SLC6A11: variants seen among roughly 807,000 people sequenced by gnomAD.
The protein encoded by SLC6A11 is solute carrier family 6 member 11, also known as sodium- and chloride-dependent GABA transporter 3.
Under a neutral mutation model 74.8 loss-of-function variants are expected in SLC6A11, and 25 were observed. The ratio of observed to expected loss-of-function variants is 0.33; its 90% CI spans 0.24 to 0.47. The LOEUF is 0.47. SLC6A11 is among the 20% of genes least tolerant of loss of function. The probability of loss-of-function intolerance (pLI) is 1.00; values close to 1 mark genes in which losing one functional copy is unlikely to be tolerated. For missense variants in SLC6A11, 574 were observed against 837.0 expected (o/e 0.69, Z 3.88); for synonymous variants, 330 against 330.2 (o/e 1.00, Z 0.01).
At chr3:10,844,399 A>G in intron 5 of SLC6A11, 53 bp downstream of exon 5, 1 of 1,610,042 alleles carries the variant, frequency 6.2e-7, no homozygotes, top group East Asian at 2.2e-5. Flanking sequence ...GCACGAGCTC[A>G]CAGATGACCT....
chr3:10,872,540 C>T (rs969372172), intron 5 of SLC6A11, among the ~76,000 whole-genome samples: 1 of 152,242 alleles, frequency 6.6e-6, no homozygotes, highest in Non-Finnish European at 1.5e-5. Context: ...CCCCTGATGA[C>T]ATGAGGCATG....
intron 4 of SLC6A11, among the ~76,000 whole-genome samples, chr3:10,843,346 T>C (rs1006946947): frequency 2.0e-5 from 3 of 152,122 alleles, no homozygotes; most frequent in African/African-American, 7.2e-5. Flanking sequence ...TGTTACTGCC[T>C]CTGCTTACCT....
rs138109295 is a variant in SLC6A11, at chr3:10,874,970, G to T, written c.766G>T (p.Val256Leu). 1.6e-4 allele frequency: 263 copies of T among 1,611,220 alleles called. No homozygotes were observed. The highest frequency in any genetic ancestry group is 2.2e-4 in the Non-Finnish European group (254 of 1,178,454). The part of the protein sequence containing the change: ...GTKSTGKVVY[V>L]TATFPYIMLL... ...CTCCTCTTGTGCACAGGTTGTATACGTGACTGCGACATTCCCCTACATCAT... is the reference window on the plus strand; with the variant it reads ...CTCCTCTTGTGCACAGGTTGTATACTTGACTGCGACATTCCCCTACATCAT... Residue 256 changes from valine (V) to leucine (L), a missense_variant, in exon 6 of 14, where the codon GTG (valine) becomes TTG (leucine). Physicochemically the swap from Val to Leu is conservative, Grantham distance 32. This residue lies in a region of SLC6A11 where 215 missense variants were observed against 357.9 expected (regional missense o/e 0.60). Coordinates refer to ENST00000254488, the MANE Select transcript of SLC6A11 (RefSeq NM_014229.3).
rs772733320 is a variant in SLC6A11, at chr3:10,935,217, G to A, written c.1746+18G>A. 2 of 1,612,788 alleles carry A rather than the reference G, an allele frequency of 1.2e-6. No individual in the cohort carries two copies. Among genetic ancestry groups the A allele is most frequent in the South Asian group, 2.2e-5 (2 of 90,976 alleles). On this transcript the variant is annotated intron_variant, in intron 13 of 13. Coordinates refer to ENST00000254488, the MANE Select transcript of SLC6A11 (RefSeq NM_014229.3). The stretch of plus-strand genomic sequence containing the variant: ...TGCCCGAGGTGAGACCGCCCCAGGA[G>A]GGCTGGTGCGTTTGGGCAGGGTTCG...
chr3:10,824,094 G>A (rs1259810754), intron 4 of SLC6A11: 1 of 152,564 alleles, frequency 6.6e-6, no homozygotes, highest in East Asian at 1.9e-4. Flanking sequence ...GGGCTGCTAT[G>A]TGTGGTTGTG....
At chr3:10,823,585 A>T (rs950679801) in intron 4 of SLC6A11, 193 bp downstream of exon 4, 1 of 553,624 alleles carries the variant, frequency 1.8e-6, no homozygotes, top group Non-Finnish European at 3.3e-6. Flanking sequence ...GGCAGCTGAG[A>T]GAAATGTTTT....
intron 6 of SLC6A11, among the ~76,000 whole-genome samples, chr3:10,894,787 T>C (rs936039613): frequency 2.0e-5 from 3 of 152,192 alleles, no homozygotes; most frequent in African/African-American, 7.2e-5. Context: ...GCTAAGAGAA[T>C]AATTTTAAGT....
rs531352309 is a variant in SLC6A11, at chr3:10,934,663, G to A, written c.1576-366G>A. Among the ~76,000 whole-genome samples, 3 of 152,346 alleles carry A rather than the reference G, an allele frequency of 2.0e-5. No homozygotes were observed. In the East Asian group the frequency reaches 5.8e-4, roughly 29 times the overall value. ...AAGTAACTCAGCATCTTCACAGACTGTTGTAGTTCTGAGAAGCAACTTTGA... is the reference window on the plus strand; with the variant it reads ...AAGTAACTCAGCATCTTCACAGACTATTGTAGTTCTGAGAAGCAACTTTGA... On this transcript the variant is annotated intron_variant, in intron 12 of 13. Coordinates refer to ENST00000254488, the MANE Select transcript of SLC6A11 (RefSeq NM_014229.3).
chr3:10,834,768 G>A (rs914520222), intron 4 of SLC6A11, among the ~76,000 whole-genome samples: 16 of 152,166 alleles, frequency 1.1e-4, no homozygotes, highest in African/African-American at 3.6e-4. Flanking sequence ...AGGTAATGCC[G>A]AAGCTCGAGT....
At chr3:10,906,872 A>G (rs1695309390) in intron 6 of SLC6A11, among the ~76,000 whole-genome samples, 1 of 152,206 alleles carries the variant, frequency 6.6e-6, no homozygotes, top group Non-Finnish European at 1.5e-5. Flanking sequence ...AGAATAAGGA[A>G]AGTTCAGACT....
At position 10,912,185 on chromosome 3, in the gene SLC6A11, C is replaced by T. The variant is rs41308275; in HGVS notation, c.987C>T (p.Asn329=). 20,528 of 1,606,102 alleles carry T rather than the reference C, an allele frequency of 0.013. 179 individuals carry two copies. Among genetic ancestry groups the T allele is most frequent in the Non-Finnish European group, 0.014 (16,649 of 1,172,680 alleles). The change falls in exon 7 of 14, where the codon AAC becomes AAT. Residue 329 remains asparagine, a synonymous_variant. Coordinates refer to ENST00000254488, the MANE Select transcript of SLC6A11 (RefSeq NM_014229.3). ...GAAGTTATAACAATTATAACAACAACTGCTACAGGTGAGCATTTCCCTGGG... is the reference window on the plus strand; with the variant it reads ...GAAGTTATAACAATTATAACAACAATTGCTACAGGTGAGCATTTCCCTGGG... ...ALGSYNNYNN[N]CYRDCIMLCC...
chr3:10,872,368 A>C (rs998345054), intron 5 of SLC6A11, among the ~76,000 whole-genome samples: 3 of 152,370 alleles, frequency 2.0e-5, no homozygotes, highest in Admixed American at 2.0e-4. Flanking sequence ...AGGGCTGGGC[A>C]TGGAGTGAGG....
At chr3:10,934,269 G>C in intron 12 of SLC6A11, 103 bp downstream of exon 12, 1 of 772,794 alleles carries the variant, frequency 1.3e-6, no homozygotes, top group Admixed American at 2.0e-5. Flanking sequence ...GGCTGGACCT[G>C]AGGAGGCTGA....
Position 10,935,021 on chromosome 3 carries a change from C to A in SLC6A11, c.1576-8C>A. Reference sequence around the variant, plus strand: ...ATCCCCCAGGCACCTGCCCCCATCTCTCTGCAGGGGATCTTCATCTTCTTC... The same window carrying A: ...ATCCCCCAGGCACCTGCCCCCATCTATCTGCAGGGGATCTTCATCTTCTTC... On this transcript the variant is annotated splice_region_variant and splice_polypyrimidine_tract_variant and intron_variant, in intron 12 of 13. Transcript: ENST00000254488. 1 of 1,612,094 alleles carries A rather than the reference C, an allele frequency of 6.2e-7. No homozygotes were observed. The highest frequency in any genetic ancestry group is 8.5e-7 in the Non-Finnish European group (1 of 1,178,928).
intron 6 of SLC6A11, among the ~76,000 whole-genome samples, chr3:10,903,194 G>A (rs921557644): frequency 4.6e-5 from 7 of 152,164 alleles, no homozygotes; most frequent in Admixed American, 2.0e-4. Context: ...TTAATTGGTC[G>A]GTCAGCTGAT....
rs1192332673 is a variant in SLC6A11, at chr3:10,935,073, C to T, written c.1620C>T (p.Tyr540=). 1.2e-6 allele frequency: 2 copies of T among 1,614,090 alleles called. No individual in the cohort carries two copies. Among genetic ancestry groups the T allele is most frequent in the Non-Finnish European group, 1.7e-6 (2 of 1,179,956 alleles). Residue 540 remains tyrosine, a synonymous_variant, in exon 13 of 14, where the codon TAC becomes TAT. Transcript: ENST00000254488. ...FFLIKYKPLK[Y]NNIYTYPAWG... is the part of the protein sequence containing the mutation. ...TGATCAAGTACAAGCCACTCAAGTA[C>T]AACAACATCTACACCTACCCAGCCT...
intron 5 of SLC6A11, among the ~76,000 whole-genome samples, chr3:10,865,459 C>T (rs1315433581): frequency 6.6e-6 from 1 of 152,132 alleles, no homozygotes; most frequent in African/African-American, 2.4e-5. Flanking sequence ...GTCAGGAGAT[C>T]GAGACCATCC....
chr3:10,937,443 A>G (rs988007057), intron 13 of SLC6A11, among the ~76,000 whole-genome samples: 2 of 152,230 alleles, frequency 1.3e-5, no homozygotes, highest in Admixed American at 1.3e-4. Context: ...AGGATCTGAA[A>G]GAGAACATGG....
At chr3:10,881,405 G>A (rs1194189828) in intron 6 of SLC6A11, among the ~76,000 whole-genome samples, 1 of 152,230 alleles carries the variant, frequency 6.6e-6, no homozygotes, top group Non-Finnish European at 1.5e-5. Context: ...GACAAAGCGA[G>A]ACTCCGTCTC....
Sources: gnomAD v4.1 joint callset for allele counts (sites outside exome capture counted in the v4.1 genomes callset) on GRCh38, gnomAD v4.1.1 for gene constraint, gnomAD v4.1.1 regional missense constraint, MANE v1.5 for transcripts, NCBI Gene and HGNC (gene_info 2026-07-23, HGNC 2026-07-21) for gene names.